SNRNP200: variants seen among roughly 807,000 people sequenced by gnomAD.
SNRNP200 encodes small nuclear ribonucleoprotein U5 subunit 200, also known as U5 small nuclear ribonucleoprotein 200 kDa helicase.
Under a neutral mutation model 255.2 loss-of-function variants are expected in SNRNP200, and 66 were observed. The observed-to-expected ratio is 0.26, with a 90% CI of 0.21 to 0.32. The LOEUF (loss-of-function observed/expected upper bound fraction) is 0.32. Ranked by LOEUF, SNRNP200 falls within the 10% of genes least tolerant of loss-of-function variation. SNRNP200 has a pLI of 1.00. For synonymous variants in SNRNP200, 939 were observed against 1,027.8 expected (o/e 0.91, Z 1.65); for missense variants, 1,585 against 2,749.8 (o/e 0.58, Z 9.47).
Position 96,274,911 on chromosome 2 carries a change from T to C in SNRNP200, c.*101A>G, listed in dbSNP as rs184527047. On this transcript the variant is annotated 3_prime_UTR_variant, in exon 45 of 45. Transcript: ENST00000323853. The stretch of plus-strand genomic sequence containing the variant: ...AGCACCAGCCCTGGCTGGCCAGACC[T>C]GAGGCCCACAGACCTGGTCCCCACA... The C allele has an allele frequency of 2.5e-3, 3,545 of 1,418,568 alleles. 6 individuals carry two copies. The highest frequency in any genetic ancestry group is 3.1e-3 in the Non-Finnish European group (3,144 of 1,009,248). 87.9% of individuals were successfully genotyped at this position (1,418,568 alleles called of 1,614,324 possible).
In SNRNP200 at chr2:96,305,515, G is replaced by A; in HGVS notation, c.-78C>T. 2 of 1,590,248 alleles carry A rather than the reference G, an allele frequency of 1.3e-6. No homozygotes were observed. The highest frequency in any genetic ancestry group is 2.2e-5 in the South Asian group (2 of 90,570). On this transcript the variant is annotated 5_prime_UTR_variant, in exon 1 of 45. Transcript: ENST00000323853. ...CAAACGGCCGCAGATCTCTGCTCCCGCCGCGCCGGAACGACGCAGGAAAGA... is the reference window on the plus strand; with the variant it reads ...CAAACGGCCGCAGATCTCTGCTCCCACCGCGCCGGAACGACGCAGGAAAGA...
At chr2:96,297,292 T>C (rs2063922860) in intron 11 of SNRNP200, 71 bp downstream of exon 11, 2 of 1,589,334 alleles carry the variant, frequency 1.3e-6, no homozygotes, top group African/African-American at 1.3e-5. Context: ...CAAGGCTACA[T>C]TTTGGTCAAT....
chr2:96,275,132 T>G lies in SNRNP200; in HGVS notation c.6291A>C (p.Pro2097=). The change falls in exon 45 of 45, where the codon CCA becomes CCC. Residue 2097 remains proline (P), a synonymous_variant. Transcript: ENST00000323853. The part of the protein sequence containing the change: ...KAKVKLDFVA[P]ATGAHNYTLY... ...GAGTGTAGTTGTGGGCACCAGTGGC[T>G]GGGGCCACAAAGTCCAACTTCACCT... is the stretch of plus-strand genomic sequence containing the variant. 6.2e-7 allele frequency: 1 copy of G among 1,614,250 alleles called. No individual in the cohort carries two copies. Among genetic ancestry groups the G allele is most frequent in the Non-Finnish European group, 8.5e-7 (1 of 1,180,052 alleles).
chr2:96,276,491 G>C (rs1451383163), intron 43 of SNRNP200: 1 of 236,866 alleles, frequency 4.2e-6, no homozygotes, highest in South Asian at 5.2e-5. Flanking sequence ...GGGCAATCTC[G>C]GCTCGCTGCA....
At chr2:96,280,805 C>T (rs979507181) in intron 35 of SNRNP200, among the ~76,000 whole-genome samples, 1 of 151,770 alleles carries the variant, frequency 6.6e-6, no homozygotes, top group African/African-American at 2.4e-5. Context: ...GCCTTGGCCT[C>T]CCAAAGTGCT....
chr2:96,305,262 T>C, intron 1 of SNRNP200, 131 bp downstream of exon 1: 1 of 1,216,324 alleles, frequency 8.2e-7, no homozygotes, highest in Non-Finnish European at 1.2e-6. Context: ...AACCCCCACC[T>C]TCACCCCGAT....
At position 96,275,240 on chromosome 2, in the gene SNRNP200, C is replaced by G. The variant is rs1401145959; in HGVS notation, c.6267+17G>C. The G allele has an allele frequency of 6.2e-7, 1 of 1,613,894 alleles. No homozygotes were observed. The highest frequency in any genetic ancestry group is 8.5e-7 in the Non-Finnish European group (1 of 1,179,874). On this transcript the variant is annotated intron_variant, in intron 44 of 44. Coordinates refer to ENST00000323853, the MANE Select transcript of SNRNP200 (RefSeq NM_014014.5). ...CCCCATGCCAGAACAAATGCTAGGG[C>G]CAGTGGACACACTCACCTTGGCCTT... is the stretch of plus-strand genomic sequence containing the variant.
chr2:96,276,928 A>G lies in SNRNP200; in HGVS notation c.6150T>C (p.Pro2050=), dbSNP rs1271146548. 1 of 1,614,050 alleles carries G rather than the reference A, an allele frequency of 6.2e-7. No homozygotes were observed. The highest frequency in any genetic ancestry group is 8.5e-7 in the Non-Finnish European group (1 of 1,180,018). ...QLEREEEVTG[P]VIAPLFPQKR... is the part of the protein sequence containing the mutation. Reference sequence around the variant, plus strand: ...CCTGCGGGAAGAGAGGCGCAATGACAGGGCCTGTGACTTCCTCCTCTCGCT... The same window carrying G: ...CCTGCGGGAAGAGAGGCGCAATGACGGGGCCTGTGACTTCCTCCTCTCGCT... The change falls in exon 43 of 45, where the codon CCT becomes CCC. Residue 2050 remains proline (P), a synonymous_variant. Transcript: ENST00000323853.
intron 5 of SNRNP200, among the ~76,000 whole-genome samples, chr2:96,300,298 C>G (rs1574000911): frequency 6.6e-6 from 1 of 152,258 alleles, no homozygotes; most frequent in East Asian, 1.9e-4. Flanking sequence ...TATGTCTGTG[C>G]TCTAGGGCAA....
chr2:96,304,954 C>T (rs2063978036), intron 1 of SNRNP200, 86 bp from the exon 2 acceptor site: 5 of 1,452,424 alleles, frequency 3.4e-6, no homozygotes, highest in Admixed American at 1.9e-5. Context: ...TGGAAAAAAT[C>T]GTAGTAACTA....
At chr2:96,284,136 T>C in intron 31 of SNRNP200, 132 bp from the exon 32 acceptor site, 2 of 978,562 alleles carry the variant, frequency 2.0e-6, no homozygotes, top group Non-Finnish European at 3.1e-6. Flanking sequence ...CTCTCATGTG[T>C]TTGGTTCTAC....
intron 30 of SNRNP200, 76 bp downstream of exon 30, chr2:96,285,104 G>T: frequency 1.3e-6 from 2 of 1,548,228 alleles, no homozygotes; most frequent in South Asian, 2.2e-5. Context: ...AAATTTCAGG[G>T]CTTAGAAAGC....
At position 96,277,910 on chromosome 2, in the gene SNRNP200, A is replaced by G. The variant is rs1684694955; in HGVS notation, c.5651T>C (p.Phe1884Ser). Residue 1884 changes from phenylalanine (F) to serine (S), a missense_variant, in exon 40 of 45, where the codon TTC (phenylalanine) becomes TCC (serine). By Grantham distance (155) the Phe-to-Ser change is radical (BLOSUM62 -2). Transcript: ENST00000323853. This position sits in a 1 kb window ranked among gnomAD's most constrained non-coding sequence, Gnocchi z 4.4. ...GTTGGTCTTGACGTGCGGATCATTG[A>G]ACTTAGGGTTATTCAGCTTGTGGGG... ...KVPHKLNNPK[F>S]NDPHVKTNLL... The G allele has an allele frequency of 6.2e-7, 1 of 1,614,224 alleles. No homozygotes were observed. Among genetic ancestry groups the G allele is most frequent in the Non-Finnish European group, 8.5e-7 (1 of 1,180,046 alleles).
At position 96,291,984 on chromosome 2, in the gene SNRNP200, C is replaced by T. The variant is rs774283882; in HGVS notation, c.2161-84G>A. Reference sequence around the variant, plus strand: ...CAGCAGGAAGCAGAAGTTGCACCATCACCACCAGAAGCCAAGGTCCTGGAG... The same window carrying T: ...CAGCAGGAAGCAGAAGTTGCACCATTACCACCAGAAGCCAAGGTCCTGGAG... On this transcript the variant is annotated intron_variant, in intron 16 of 44. Transcript: ENST00000323853. This position sits in a 1 kb window ranked among gnomAD's most constrained non-coding sequence, Gnocchi z 4.2. 5.6e-5 allele frequency: 83 copies of T among 1,494,534 alleles called. No homozygotes were observed. The highest frequency in any genetic ancestry group is 7.0e-5 in the Non-Finnish European group (76 of 1,083,022). The allele number at this position is 1,494,534 out of a possible 1,614,324, so 92.6% of individuals were successfully genotyped here.
At chr2:96,284,106 T>C (rs1301211111) in intron 31 of SNRNP200, 102 bp from the exon 32 acceptor site, 12 of 1,150,568 alleles carry the variant, frequency 1.0e-5, no homozygotes, top group African/African-American at 1.5e-5. Flanking sequence ...AATGACCTCA[T>C]TCTTCCTTCT....
chr2:96,284,484 C>G lies in SNRNP200; in HGVS notation c.4266G>C (p.Gly1422=). The change falls in exon 31 of 45, where the codon GGG becomes GGC. Residue 1422 remains glycine (G), a synonymous_variant. Transcript: ENST00000323853. The part of the protein sequence containing the change: ...TSTDLKLLGK[G]NIIISTPEKW... ...TCTCAGGGGTGCTGATGATAATGTT[C>G]CCTTTGCCCAGCAGCTTCAGGTCTG... 2 of 1,614,200 alleles carry G rather than the reference C, an allele frequency of 1.2e-6. No individual in the cohort carries two copies. Among genetic ancestry groups the G allele is most frequent in the Non-Finnish European group, 8.5e-7 (1 of 1,180,032 alleles).
At position 96,301,505 on chromosome 2, in the gene SNRNP200, A is replaced by G. The variant is rs764033151; in HGVS notation, c.574+19T>C. 8.1e-6 allele frequency: 13 copies of G among 1,613,434 alleles called. No homozygotes were observed. Among genetic ancestry groups the G allele is most frequent in the Non-Finnish European group, 1.0e-5 (12 of 1,179,350 alleles). ...ACAACAACCAATGAACATGATCAGAACATAAAGCGCGCACTTACCCATATT... is the reference window on the plus strand; with the variant it reads ...ACAACAACCAATGAACATGATCAGAGCATAAAGCGCGCACTTACCCATATT... On this transcript the variant is annotated intron_variant, in intron 4 of 44. Transcript: ENST00000323853.
Position 96,278,813 on chromosome 2 carries a change from C to A in SNRNP200, c.5319G>T (p.Leu1773=), listed in dbSNP as rs756149561. ...TGTGCTCCCAAGCCCACTGACCCTG[C>A]AGGTTGTAGTAATTGGGGTTCTGTG... ...RMTQNPNYYN[L]QGISHRHLSD... The change falls in exon 37 of 45, where the codon CTG becomes CTT. Residue 1773 remains leucine, a synonymous_variant. Coordinates refer to ENST00000323853, the MANE Select transcript of SNRNP200 (RefSeq NM_014014.5). The surrounding 1 kb of genome is among the most constrained non-coding windows in gnomAD (Gnocchi z 6.9). 7 of 1,614,052 alleles carry A rather than the reference C, an allele frequency of 4.3e-6. No individual in the cohort carries two copies. Among genetic ancestry groups the A allele is most frequent in the Non-Finnish European group, 5.9e-6 (7 of 1,180,044 alleles).
In SNRNP200 at chr2:96,297,712, C is replaced by T. The variant is rs2063927261; in HGVS notation, c.1128G>A (p.Arg376=). 7 of 1,614,192 alleles carry T rather than the reference C, an allele frequency of 4.3e-6. No individual in the cohort carries two copies. The highest frequency in any genetic ancestry group is 1.1e-5 in the South Asian group (1 of 91,086). Residue 376 remains arginine (R), a synonymous_variant, in exon 10 of 45, where the codon AGG becomes AGA. Transcript: ENST00000323853. ...ACTGACGCACTCGCTCTCTCCGGGA[C>T]CTTTCCTCCTGTAGTGGACAAAGAT... ...TEKEDLIREE[R]SRRERVRQSR... is the part of the protein sequence containing the mutation.
Sources: allele counts gnomAD v4.1 joint callset (sites outside exome capture counted in the v4.1 genomes callset), GRCh38; gene constraint gnomAD v4.1.1; non-coding constraint Gnocchi (gnomAD v3.1); transcripts MANE v1.5; gene names NCBI Gene and HGNC (gene_info 2026-07-23, HGNC 2026-07-21).